Variants in FAT3 observed in about 807,000 individuals in gnomAD.
FAT3 encodes the protein protocadherin Fat 3.
In FAT3, 95 loss-of-function variants were observed where a neutral mutation model predicts 310.2. That is an observed-to-expected ratio of 0.31 (90% CI 0.26 to 0.36). The LOEUF (loss-of-function observed/expected upper bound fraction) is 0.36. Ranked by LOEUF, FAT3 falls within the 10% of genes least tolerant of loss-of-function variation. FAT3 has a pLI of 1.00. For synonymous variants in FAT3, 2,314 were observed against 2,192.9 expected (o/e 1.06, Z -1.54); for missense variants, 5,408 against 5,715.6 (o/e 0.95, Z 1.74).
intron 4 of FAT3, among the ~76,000 whole-genome samples, chr11:92,729,938 A>G (rs966585206): frequency 3.3e-5 from 5 of 152,204 alleles, no homozygotes; most frequent in African/African-American, 4.8e-5. Flanking sequence ...ATGAGAGTCT[A>G]GTGGTTATCT....
intron 3 of FAT3, among the ~76,000 whole-genome samples, chr11:92,637,308 T>C (rs1941800103): frequency 6.6e-6 from 1 of 152,140 alleles, no homozygotes; most frequent in African/African-American, 2.4e-5. Context: ...AGATGTGATT[T>C]ACAGGTGTCT....
chr11:92,383,808 A>G (rs1225407428), intron 2 of FAT3, among the ~76,000 whole-genome samples: 1 of 152,196 alleles, frequency 6.6e-6, no homozygotes, highest in Non-Finnish European at 1.5e-5. Flanking sequence ...AGTTCAGCAA[A>G]CACATTTCAT....
chr11:92,708,355 A>G (rs192739502), intron 4 of FAT3, among the ~76,000 whole-genome samples: 113 of 152,368 alleles, frequency 7.4e-4, no homozygotes, highest in Non-Finnish European at 1.3e-3. Context: ...TCAAACTAAT[A>G]TATTATAAAT....
intron 3 of FAT3, among the ~76,000 whole-genome samples, chr11:92,670,902 C>T (rs559077953): frequency 1.3e-5 from 2 of 152,188 alleles, no homozygotes; most frequent in East Asian, 1.9e-4. Context: ...TCATGTCACT[C>T]CTTTCCTCAA....
chr11:92,743,053 T>A (rs1565557815), intron 4 of FAT3, among the ~76,000 whole-genome samples: 1 of 152,232 alleles, frequency 6.6e-6, no homozygotes. Flanking sequence ...GTATGTTCCT[T>A]GAAATATCAG....
At chr11:92,510,418 G>A (rs1288336770) in intron 2 of FAT3, among the ~76,000 whole-genome samples, 1 of 152,098 alleles carries the variant, frequency 6.6e-6, no homozygotes, top group Non-Finnish European at 1.5e-5. Flanking sequence ...TAAGTTATAG[G>A]AGAGAAAAAC....
At chr11:92,387,997 C>T (rs1035700186) in intron 2 of FAT3, among the ~76,000 whole-genome samples, 2 of 152,146 alleles carry the variant, frequency 1.3e-5, no homozygotes, top group African/African-American at 4.8e-5. Flanking sequence ...TCTTTTCTGG[C>T]ACAGGGACTT....
At chr11:92,329,310 T>C (rs1947846398) in intron 1 of FAT3, among the ~76,000 whole-genome samples, 1 of 151,946 alleles carries the variant, frequency 6.6e-6, no homozygotes, top group Admixed American at 6.6e-5. Flanking sequence ...AGTGAGTGTT[T>C]GCTCTGTTTG....
chr11:92,723,226 A>G (rs1313031114), intron 4 of FAT3, among the ~76,000 whole-genome samples: 3 of 152,118 alleles, frequency 2.0e-5, no homozygotes, highest in African/African-American at 7.2e-5. Context: ...CTTCCACCAG[A>G]TACCCTAAAT....
intron 1 of FAT3, among the ~76,000 whole-genome samples, chr11:92,322,505 G>A (rs993266392): frequency 6.6e-6 from 1 of 152,160 alleles, no homozygotes; most frequent in Admixed American, 6.5e-5. Context: ...TTCCTTTCAC[G>A]AAAGATTCCT....
intron 13 of FAT3, among the ~76,000 whole-genome samples, chr11:92,814,951 G>A (rs1014750892): frequency 6.6e-6 from 1 of 152,194 alleles, no homozygotes; most frequent in Non-Finnish European, 1.5e-5. Context: ...GAAGATAGGA[G>A]CCAGGAAGTT....
intron 19 of FAT3, among the ~76,000 whole-genome samples, chr11:92,851,826 T>G (rs1218121890): frequency 6.6e-6 from 1 of 152,142 alleles, no homozygotes. Context: ...TAAGATAAAC[T>G]TTCTCCCAGA....
intron 2 of FAT3, among the ~76,000 whole-genome samples, chr11:92,422,812 CT>C (rs1283268085): frequency 6.6e-6 from 1 of 151,962 alleles, no homozygotes; most frequent in African/African-American, 2.4e-5. Context: ...AAGACTTTGC[CT>C]TGTATTGTGG....
chr11:92,698,548 C>G (rs1280127007), intron 4 of FAT3, among the ~76,000 whole-genome samples: 1 of 152,038 alleles, frequency 6.6e-6, no homozygotes, highest in East Asian at 1.9e-4. Context: ...TGTTTTGTAT[C>G]AACGTATTTT....
At chr11:92,268,718 C>A (rs1946035511) in intron 1 of FAT3, among the ~76,000 whole-genome samples, 1 of 152,108 alleles carries the variant, frequency 6.6e-6, no homozygotes, top group Admixed American at 6.6e-5. Flanking sequence ...CATATTTCCC[C>A]AGGCATTCAT....
chr11:92,360,090 C>T (rs951236350), intron 2 of FAT3, among the ~76,000 whole-genome samples: 9 of 152,076 alleles, frequency 5.9e-5, no homozygotes, highest in African/African-American at 1.9e-4. Flanking sequence ...GTTTACAGTC[C>T]CACCAACAGT....
intron 3 of FAT3, among the ~76,000 whole-genome samples, chr11:92,591,788 A>G (rs1243533535): frequency 2.0e-5 from 3 of 152,210 alleles, no homozygotes; most frequent in Non-Finnish European, 4.4e-5. Context: ...AGCTTTTGAC[A>G]TACGAATTGT....
chr11:92,323,671 C>A (rs1947688007), intron 1 of FAT3, among the ~76,000 whole-genome samples: 1 of 150,832 alleles, frequency 6.6e-6, no homozygotes, highest in Non-Finnish European at 1.5e-5. Flanking sequence ...TGTGCTGTCA[C>A]CCAGCCTTTG....
intron 2 of FAT3, among the ~76,000 whole-genome samples, chr11:92,392,120 T>A (rs928762345): frequency 6.6e-6 from 1 of 152,080 alleles, no homozygotes; most frequent in South Asian, 2.1e-4. Flanking sequence ...TTTAGGTCAT[T>A]TACTCATTGG....
Sources: allele counts gnomAD v4.1 joint callset (sites outside exome capture counted in the v4.1 genomes callset), GRCh38; gene constraint gnomAD v4.1.1; transcripts MANE v1.5; gene names NCBI Gene and HGNC (gene_info 2026-07-23, HGNC 2026-07-21).